MYO6: variants seen among roughly 807,000 people sequenced by gnomAD.
The protein encoded by MYO6 is unconventional myosin-VI.
In MYO6, 74 loss-of-function variants were observed where a neutral mutation model predicts 178.7. That is an observed-to-expected ratio of 0.41 (90% confidence interval 0.34 to 0.50). The LOEUF (loss-of-function observed/expected upper bound fraction) is 0.50. Among genes scored for constraint, MYO6 ranks in the 20% least tolerant of loss-of-function variants. The pLI is 0.09. For synonymous variants in MYO6, 477 were observed against 504.6 expected, an observed-to-expected ratio of 0.95 and a Z score of 0.73; for missense variants, 1,330 against 1,547.4, an observed-to-expected ratio of 0.86 and a Z score of 2.36.
At chr6:75,840,870 G>A (rs924784138) in intron 8 of MYO6, among the ~76,000 whole-genome samples, 188 bp downstream of exon 8, 9 of 152,158 alleles carry the variant, frequency 5.9e-5, no homozygotes, top group Non-Finnish European at 7.3e-5. Flanking sequence ...AAACCCAGAT[G>A]CTGAATTTGA....
intron 28 of MYO6, among the ~76,000 whole-genome samples, chr6:75,893,098 A>C (rs963244413): frequency 6.6e-6 from 1 of 152,134 alleles, no homozygotes. Context: ...TTTCTAATGC[A>C]AAAAAATTTA....
rs1459496499 is a variant in MYO6 at position 75,840,579 on chromosome 6, C to T, written c.554-6C>T. ...TTTTTTGATGGATTTTTTTGTTTCT[C>T]AATAGCTAACCCACTCCTAGAAGCC... On this transcript the variant is annotated splice_region_variant and splice_polypyrimidine_tract_variant and intron_variant, in intron 7 of 34. Transcript: ENST00000369977. The T allele has an allele frequency of 6.2e-7, 1 of 1,608,866 alleles. No individual in the cohort carries two copies. Among genetic ancestry groups the T allele is most frequent in the Non-Finnish European group, 8.5e-7 (1 of 1,175,534 alleles).
At chr6:75,799,159 C>T (rs376459111) in intron 1 of MYO6, among the ~76,000 whole-genome samples, 7 of 152,198 alleles carry the variant, frequency 4.6e-5, no homozygotes, top group Middle Eastern at 3.4e-3. Flanking sequence ...GAGGCCAAGG[C>T]GGGTGGATCA....
At chr6:75,824,017 A>G (rs894301279) in intron 3 of MYO6, among the ~76,000 whole-genome samples, 3 of 152,254 alleles carry the variant, frequency 2.0e-5, no homozygotes, top group African/African-American at 7.2e-5. Context: ...AGCAATCAGA[A>G]TAAAATAATA....
At chr6:75,820,054 A>C (rs1771717194) in intron 2 of MYO6, among the ~76,000 whole-genome samples, 1 of 152,196 alleles carries the variant, frequency 6.6e-6, no homozygotes, top group African/African-American at 2.4e-5. Context: ...AAAAAAAAAG[A>C]AAGCTATTTT....
At chr6:75,863,280 G>A (rs146556648) in intron 16 of MYO6, among the ~76,000 whole-genome samples, 103 of 152,208 alleles carry the variant, frequency 6.8e-4, no homozygotes, top group African/African-American at 2.2e-3. Flanking sequence ...CTCTTGACTG[G>A]TGCAGGCAAT....
intron 7 of MYO6, among the ~76,000 whole-genome samples, chr6:75,838,047 A>G (rs999664384): frequency 2.8e-5 from 4 of 144,544 alleles, no homozygotes; most frequent in South Asian, 2.2e-4. Context: ...AAGTGCTTCT[A>G]TAGCTTCTTT....
chr6:75,799,932 C>T (rs575182931), intron 1 of MYO6, among the ~76,000 whole-genome samples: 1 of 152,102 alleles, frequency 6.6e-6, no homozygotes, highest in East Asian at 1.9e-4. Flanking sequence ...TAATTAATTC[C>T]AATTCTTTTA....
intron 29 of MYO6, among the ~76,000 whole-genome samples, chr6:75,897,096 C>T (rs1779364263): frequency 6.6e-6 from 1 of 152,106 alleles, no homozygotes; most frequent in Admixed American, 6.6e-5. Context: ...GATCAACAGA[C>T]CCAGTGGTAA....
At chr6:75,756,847 G>C (rs952928717) in intron 1 of MYO6, among the ~76,000 whole-genome samples, 18 of 150,572 alleles carry the variant, frequency 1.2e-4, no homozygotes, top group African/African-American at 4.4e-4. Flanking sequence ...GTACTAAGCA[G>C]GTAGTAGATA....
intron 1 of MYO6, among the ~76,000 whole-genome samples, chr6:75,775,407 T>C (rs991237326): frequency 6.6e-6 from 1 of 152,202 alleles, no homozygotes; most frequent in Non-Finnish European, 1.5e-5. Context: ...GGCTGGCCCT[T>C]GTCTCTGGAT....
intron 1 of MYO6, among the ~76,000 whole-genome samples, chr6:75,802,346 G>A (rs770754636): frequency 6.6e-6 from 1 of 151,972 alleles, no homozygotes; most frequent in Non-Finnish European, 1.5e-5. Context: ...GCGCGTGCCT[G>A]TAATCCCAGC....
At chr6:75,841,413 G>A (rs377680159) in intron 9 of MYO6, 35 bp downstream of exon 9, 1 of 1,593,742 alleles carries the variant, frequency 6.3e-7, no homozygotes, top group African/African-American at 1.3e-5. Flanking sequence ...ATATAGCCAG[G>A]TGCAGTGGCT....
In MYO6 at chr6:75,892,649, G is replaced by C. The variant is rs1258344346; in HGVS notation, c.3066G>C (p.Glu1022Asp). ...LALRIAQSEA[E>D]LISDEAQADL... ...TGAGGATTGCCCAGAGTGAAGCCGAGCTCATCAGTGATGAGGCCCAGGCCG... is the reference window on the plus strand; with the variant it reads ...TGAGGATTGCCCAGAGTGAAGCCGACCTCATCAGTGATGAGGCCCAGGCCG... Residue 1022 changes from glutamate to aspartate, a missense_variant, in exon 28 of 35, where the codon GAG becomes GAC. Around this residue, in one of 3 missense-constraint regions of MYO6, gnomAD observed 601 missense variants for 626.1 expected, o/e 0.96. Transcript: ENST00000369977. 6.2e-7 allele frequency: 1 copy of C among 1,612,738 alleles called. No individual in the cohort carries two copies. Among genetic ancestry groups the C allele is most frequent in the African/African-American group, 1.3e-5 (1 of 74,892 alleles).
intron 23 of MYO6, among the ~76,000 whole-genome samples, chr6:75,882,075 C>G (rs144435632): frequency 1.5e-3 from 222 of 152,258 alleles, no homozygotes; most frequent in African/African-American, 5.2e-3. Flanking sequence ...ATCTTGATCT[C>G]TCGTCCCCGC....
chr6:75,773,410 G>A (rs1021028531), intron 1 of MYO6, among the ~76,000 whole-genome samples: 1 of 152,156 alleles, frequency 6.6e-6, no homozygotes, highest in African/African-American at 2.4e-5. Context: ...GACTAATGAG[G>A]TGATTCAGAC....
intron 1 of MYO6, among the ~76,000 whole-genome samples, chr6:75,755,861 T>C (rs1045032527): frequency 1.3e-5 from 2 of 152,216 alleles, no homozygotes; most frequent in Admixed American, 6.5e-5. Context: ...AAGTTAATTA[T>C]AGACTCTTCA....
intron 29 of MYO6, among the ~76,000 whole-genome samples, chr6:75,896,200 C>T (rs1166133402): frequency 6.6e-6 from 1 of 152,118 alleles, no homozygotes; most frequent in South Asian, 2.1e-4. Context: ...CTATCAGGCT[C>T]CAGTCCCAAT....
intron 9 of MYO6, 66 bp downstream of exon 9, chr6:75,841,444 T>TG: frequency 1.4e-6 from 2 of 1,471,524 alleles, no homozygotes; most frequent in Non-Finnish European, 1.9e-6. Context: ...ATCCCAACAC[T>TG]TTGGGAGGCT....
Sources: allele counts gnomAD v4.1 joint callset (sites outside exome capture counted in the v4.1 genomes callset), GRCh38; gene constraint gnomAD v4.1.1; regional missense constraint gnomAD v4.1.1; transcripts MANE v1.5; gene names NCBI Gene and HGNC (gene_info 2026-07-23, HGNC 2026-07-21).